DEFB135: variants seen among roughly 807,000 people sequenced by gnomAD.
The protein encoded by DEFB135 is beta-defensin 135.
DEFB135 carries 14 observed loss-of-function variants against 8.9 expected under a neutral mutation model. That is an observed-to-expected ratio of 1.58 (90% CI 1.04 to 2.47). DEFB135 has a LOEUF of 2.47. Ranked by LOEUF, DEFB135 falls within the 30% of genes most tolerant of loss-of-function variation. DEFB135 has a pLI of 0.00. For missense variants in DEFB135, 135 were observed against 94.2 expected (o/e 1.43, Z -1.79); for synonymous variants, 51 against 34.5 (o/e 1.48, Z -1.67).
intron 1 of DEFB135, among the ~76,000 whole-genome samples, 178 bp downstream of exon 1, chr8:11,982,562 C>T (rs6985349): frequency 0.15 from 22,610 of 152,174 alleles, 3,382 homozygotes; most frequent in African/African-American, 0.39. Flanking sequence ...CCAAAGGACA[C>T]AGAACAGGAG....
In DEFB135 at chr8:11,982,288, CGATGA is replaced by C; in HGVS notation, c.-31_-27del. 6.2e-7 allele frequency: 1 copy of C among 1,613,404 alleles called. No homozygotes were observed. The highest frequency in any genetic ancestry group is 8.5e-7 in the Non-Finnish European group (1 of 1,179,730). ...CAAAGCTGCGGAGAGAGTGACTCTC[CGATGA>C]GTCACAGCTGCTTCTTTGCTGATTG... On this transcript the variant is annotated 5_prime_UTR_variant, in exon 1 of 2. An upstream start codon of the reference 5' UTR is lost. Transcript: ENST00000382208.
chr8:11,982,500 A>G, intron 1 of DEFB135, 116 bp downstream of exon 1: 2 of 1,147,166 alleles, frequency 1.7e-6, no homozygotes, highest in Non-Finnish European at 2.6e-6. Context: ...AACAGGGAGG[A>G]AAGTGAGCAG....
intron 1 of DEFB135, among the ~76,000 whole-genome samples, chr8:11,983,263 C>T (rs1799776998): frequency 6.6e-6 from 1 of 152,098 alleles, no homozygotes; most frequent in African/African-American, 2.4e-5. Flanking sequence ...CATGGTGGCG[C>T]ATGCCTGTCC....
chr8:11,983,303 T>C (rs1297331221), intron 1 of DEFB135, among the ~76,000 whole-genome samples: 1 of 152,040 alleles, frequency 6.6e-6, no homozygotes, highest in Non-Finnish European at 1.5e-5. Context: ...GAAAAGAGGA[T>C]CACTTGAACC....
At chr8:11,983,880 C>T (rs1395015695) in intron 1 of DEFB135, among the ~76,000 whole-genome samples, 1 of 151,964 alleles carries the variant, frequency 6.6e-6, no homozygotes, top group African/African-American at 2.4e-5. Flanking sequence ...GCAAAGTACC[C>T]ATGGGAGAAT....
intron 1 of DEFB135, among the ~76,000 whole-genome samples, 194 bp downstream of exon 1, chr8:11,982,578 TC>T (rs1214232225): frequency 1.3e-5 from 2 of 152,168 alleles, no homozygotes; most frequent in African/African-American, 4.8e-5. Flanking sequence ...AGGAGGTAGC[TC>T]TCTTCAGAAA....
chr8:11,983,650 G>T (rs186209815), intron 1 of DEFB135, among the ~76,000 whole-genome samples: 1 of 152,120 alleles, frequency 6.6e-6, no homozygotes, highest in Non-Finnish European at 1.5e-5. Flanking sequence ...GGGGGCACCT[G>T]GGTGGAGAAA....
At position 11,982,353 on chromosome 8, in the gene DEFB135, G is replaced by T. The variant is rs1443318777; in HGVS notation, c.33G>T (p.Val11=). 2 of 1,613,938 alleles carry T rather than the reference G, an allele frequency of 1.2e-6. No homozygotes were observed. Among genetic ancestry groups the T allele is most frequent in the Non-Finnish European group, 1.7e-6 (2 of 1,180,032 alleles). Reference sequence around the variant, plus strand: ...CAAGGAGCGTCCTCTTGGCCCTCGTGGTCCTTAACTTACTCTTCTATGTTC... The same window carrying T: ...CAAGGAGCGTCCTCTTGGCCCTCGTTGTCCTTAACTTACTCTTCTATGTTC... MATRSVLLAL[V]VLNLLFYVPP... Residue 11 remains valine, a synonymous_variant, in exon 1 of 2, where the codon GTG becomes GTT. Coordinates refer to ENST00000382208, the MANE Select transcript of DEFB135 (RefSeq NM_001033017.3).
intron 1 of DEFB135, 84 bp from the exon 2 acceptor site, chr8:11,984,337 C>T (rs1176028058): frequency 8.9e-7 from 1 of 1,118,414 alleles, no homozygotes; most frequent in East Asian, 2.7e-5. Flanking sequence ...AAAGTGAAAA[C>T]TATGGTCTGA....
rs776383133 is a variant in DEFB135 at position 11,982,341 on chromosome 8, C to T, written c.21C>T (p.Leu7=). Residue 7 remains leucine, a synonymous_variant, in exon 1 of 2, where the codon CTC becomes CTT. Transcript: ENST00000382208. MATRSV[L]LALVVLNLLF... is the part of the protein sequence containing the mutation. ...TTGGTATGGCCACAAGGAGCGTCCT[C>T]TTGGCCCTCGTGGTCCTTAACTTAC... The T allele has an allele frequency of 7.4e-5, 120 of 1,614,072 alleles. No homozygotes were observed. The highest frequency in any genetic ancestry group is 9.6e-5 in the Non-Finnish European group (113 of 1,180,036).
At chr8:11,983,358 C>T (rs531953854) in intron 1 of DEFB135, among the ~76,000 whole-genome samples, 4 of 152,068 alleles carry the variant, frequency 2.6e-5, no homozygotes, top group South Asian at 2.1e-4. Context: ...CCATTGCACT[C>T]CAGCCTGGGC....
At chr8:11,982,428 G>A (rs778335297) in intron 1 of DEFB135, 44 bp downstream of exon 1, 5 of 1,605,600 alleles carry the variant, frequency 3.1e-6, no homozygotes, top group Admixed American at 1.7e-5. Context: ...ATAGTAAAGG[G>A]AAAAAAGGTG....
rs555214844 is a variant in DEFB135, at chr8:11,982,520, T to C, written c.64+136T>C. On this transcript the variant is annotated intron_variant, in intron 1 of 1. Coordinates refer to ENST00000382208, the MANE Select transcript of DEFB135 (RefSeq NM_001033017.3). ...GGAGGAAAGTGAGCAGAGATGGACA[T>C]GCTGGGCTGGTCCAGAGAATGGAGA... 528 of 883,478 alleles carry C rather than the reference T, an allele frequency of 6.0e-4. 2 individuals are homozygous for C. The African/African-American group carries it at 7.8e-3, about 13-fold the overall frequency. The allele number at this position is 883,478 out of a possible 1,614,324, so 54.7% of individuals were successfully genotyped here.
In DEFB135 at chr8:11,982,351, G is replaced by A. The variant is rs141141605; in HGVS notation, c.31G>A (p.Val11Met). MATRSVLLAL[V>M]VLNLLFYVPP... ...CACAAGGAGCGTCCTCTTGGCCCTC[G>A]TGGTCCTTAACTTACTCTTCTATGT... Residue 11 changes from valine (V) to methionine (M), a missense_variant, in exon 1 of 2, where the codon GTG becomes ATG. Val to Met is a conservative substitution (Grantham distance 21). Coordinates refer to ENST00000382208, the MANE Select transcript of DEFB135 (RefSeq NM_001033017.3). 6.9e-5 allele frequency: 112 copies of A among 1,614,088 alleles called. No individual in the cohort carries two copies. The African/African-American group carries it at 1.2e-3, about 18-fold the overall frequency.
rs2150552675 is a variant in DEFB135 at position 11,984,437 on chromosome 8, T to A, written c.81T>A (p.Asn27Lys). 1 of 1,559,654 alleles carries A rather than the reference T, an allele frequency of 6.4e-7. No individual in the cohort carries two copies. The highest frequency in any genetic ancestry group is 1.7e-4 in the Middle Eastern group (1 of 5,868). ...FYVPPGRSGP[N>K]VYIQKIFASC... ...TCTTGGCAGGTAGAAGTGGACCCAA[T>A]GTCTACATACAAAAAATCTTTGCTT... The change falls in exon 2 of 2, where the codon AAT (asparagine) becomes AAA (lysine). Residue 27 changes from asparagine (N) to lysine (K), a missense_variant. Transcript: ENST00000382208.
rs1344060485 is a variant in DEFB135 at position 11,982,401 on chromosome 8, A to G, written c.64+17A>G. On this transcript the variant is annotated intron_variant, in intron 1 of 1. Transcript: ENST00000382208. ...TTCCACCAGGTAAAATGGAGTCCCC[A>G]CCTTGTAGAATTAGGAATAGTAAAG... is the stretch of plus-strand genomic sequence containing the variant. The G allele has an allele frequency of 6.2e-7, 1 of 1,613,836 alleles. No individual in the cohort carries two copies. The highest frequency in any genetic ancestry group is 8.5e-7 in the Non-Finnish European group (1 of 1,179,832).
chr8:11,983,750 T>C (rs1367705194), intron 1 of DEFB135, among the ~76,000 whole-genome samples: 1 of 152,046 alleles, frequency 6.6e-6, no homozygotes, highest in African/African-American at 2.4e-5. Context: ...CTATTACCCC[T>C]CCTCCACCCT....
intron 1 of DEFB135, among the ~76,000 whole-genome samples, chr8:11,983,344 G>A (rs531222955): frequency 5.3e-5 from 8 of 152,162 alleles, no homozygotes; most frequent in Non-Finnish European, 8.8e-5. Context: ...GAGCTGAGAT[G>A]GTGCCATTGC....
intron 1 of DEFB135, among the ~76,000 whole-genome samples, chr8:11,983,820 A>T (rs532516109): frequency 1.3e-5 from 2 of 151,870 alleles, no homozygotes; most frequent in African/African-American, 2.4e-5. Context: ...ATAAATTTCC[A>T]TATTTGTCTC....
Sources: gnomAD v4.1 joint callset for allele counts (sites outside exome capture counted in the v4.1 genomes callset) on GRCh38, gnomAD v4.1.1 for gene constraint, MANE v1.5 for transcripts, NCBI Gene and HGNC (gene_info 2026-07-23, HGNC 2026-07-21) for gene names.